Variants in NT5DC1 observed in about 807,000 individuals in gnomAD.
NT5DC1 encodes 5'-nucleotidase domain containing 1.
NT5DC1 carries 42 observed loss-of-function variants against 59.4 expected under a neutral mutation model. The observed-to-expected ratio is 0.71, with a 90% confidence interval of 0.55 to 0.92. The LOEUF is 0.92. Ranked by LOEUF, NT5DC1 falls within the 40% of genes least tolerant of loss-of-function variation. The probability of loss-of-function intolerance (pLI) is 0.00; values close to 1 mark genes in which losing one functional copy is unlikely to be tolerated. For missense variants in NT5DC1, 501 were observed against 537.1 expected (o/e 0.93, Z 0.66); for synonymous variants, 172 against 188.1 (o/e 0.91, Z 0.70).
chr6:116,240,910 G>T (rs1033135383), intron 11 of NT5DC1, among the ~76,000 whole-genome samples: 1 of 152,108 alleles, frequency 6.6e-6, no homozygotes, highest in Non-Finnish European at 1.5e-5. Context: ...TTGGGAGGCC[G>T]AGGTGGGCGG....
At chr6:116,233,861 T>A (rs540830169) in intron 8 of NT5DC1, among the ~76,000 whole-genome samples, 1 of 152,332 alleles carries the variant, frequency 6.6e-6, no homozygotes, top group East Asian at 1.9e-4. Context: ...GAGGTAAGCA[T>A]TGTTATTATC....
chr6:116,115,848 G>A (rs1295544828), intron 5 of NT5DC1, 78 bp downstream of exon 5: 3 of 696,056 alleles, frequency 4.3e-6, no homozygotes, highest in African/African-American at 3.6e-5. Flanking sequence ...TATTGCTTCT[G>A]AGTTGTGATT....
intron 6 of NT5DC1, among the ~76,000 whole-genome samples, chr6:116,203,876 T>C (rs1339858232): frequency 6.6e-6 from 1 of 151,966 alleles, no homozygotes; most frequent in Admixed American, 6.6e-5. Flanking sequence ...CTTGATGTTG[T>C]CAGAAATATT....
chr6:116,115,805 G>A (rs1778953378), intron 5 of NT5DC1, 35 bp downstream of exon 5: 1 of 1,050,420 alleles, frequency 9.5e-7, no homozygotes, highest in Non-Finnish European at 1.5e-6. Context: ...ACTATGATAT[G>A]TAGTCAGTCA....
At position 116,248,946 on chromosome 6, in the gene NT5DC1, G is replaced by C. The variant is rs957593490; in HGVS notation, c.*4922G>C. ...AATCTGTAACAAATAAGTGGCGCCA[G>C]CCTATTACAGTGAATGCTATTGGTT... On this transcript the variant is annotated 3_prime_UTR_variant, in exon 12 of 12. Transcript: ENST00000319550. The C allele has an allele frequency of 1.3e-5, 2 of 152,214 alleles. No homozygotes were observed. Among genetic ancestry groups the C allele is most frequent in the Non-Finnish European group, 2.9e-5 (2 of 68,040 alleles). The allele number at this position is 152,214 out of a possible 1,614,324, so 9.4% of individuals were successfully genotyped here. A position where few individuals can be genotyped will look rare whatever the true frequency, so the allele number is the denominator to read the frequency against.
rs1251890318 is a variant in NT5DC1, at chr6:116,245,771, A to C, written c.*1747A>C. 1 of 150,538 alleles carries C rather than the reference A, an allele frequency of 6.6e-6. No individual in the cohort carries two copies. The highest frequency in any genetic ancestry group is 2.4e-5 in the African/African-American group (1 of 41,278). The allele number at this position is 150,538 out of a possible 1,614,324, so 9.3% of individuals were successfully genotyped here. A position where few individuals can be genotyped will look rare whatever the true frequency, so the allele number is the denominator to read the frequency against. On this transcript the variant is annotated 3_prime_UTR_variant, in exon 12 of 12. Transcript: ENST00000319550. ...TGTTAATATGAAAAATGAGAAGTCC[A>C]AAATAAGAAATAACTGCACTTTTTG...
chr6:116,103,419 A>C (rs968535017), intron 1 of NT5DC1, among the ~76,000 whole-genome samples: 3 of 152,072 alleles, frequency 2.0e-5, no homozygotes, highest in Non-Finnish European at 4.4e-5. Context: ...TAAGCGAGGT[A>C]GTCCGGCTGT....
intron 6 of NT5DC1, among the ~76,000 whole-genome samples, chr6:116,165,013 C>T (rs973035290): frequency 6.9e-6 from 1 of 145,982 alleles, no homozygotes; most frequent in African/African-American, 2.6e-5. Flanking sequence ...AGGAGAATGG[C>T]GTGAACCTGG....
intron 4 of NT5DC1, 72 bp downstream of exon 4, chr6:116,111,028 A>G: frequency 9.9e-7 from 1 of 1,008,990 alleles, no homozygotes; most frequent in Non-Finnish European, 1.5e-6. Context: ...TGATGTCAGG[A>G]CAAAGAAGAC....
At chr6:116,217,470 A>C (rs1781708547) in intron 6 of NT5DC1, among the ~76,000 whole-genome samples, 1 of 152,196 alleles carries the variant, frequency 6.6e-6, no homozygotes, top group South Asian at 2.1e-4. Flanking sequence ...TTTGGAGGTT[A>C]AGTGAAAACA....
chr6:116,201,480 A>G (rs1446384543), intron 6 of NT5DC1, among the ~76,000 whole-genome samples: 1 of 152,022 alleles, frequency 6.6e-6, no homozygotes, highest in East Asian at 1.9e-4. Context: ...AAATTTCCCT[A>G]ATGAGACCAG....
chr6:116,218,469 G>T (rs77183123), intron 6 of NT5DC1, among the ~76,000 whole-genome samples: 6,202 of 152,088 alleles, frequency 0.041, 426 homozygotes, highest in African/African-American at 0.14. Flanking sequence ...TCTCACATCT[G>T]ACTCCCTTAG....
In NT5DC1 at chr6:116,248,091, C is replaced by A. The variant is rs1771883621; in HGVS notation, c.*4067C>A. ...AATAAGCATAACCTTCAACTGAGGC[C>A]TGAATAGTCATGTGTCAGTAGGGTT... On this transcript the variant is annotated 3_prime_UTR_variant, in exon 12 of 12. Transcript: ENST00000319550. 1 of 152,158 alleles carries A rather than the reference C, an allele frequency of 6.6e-6. No homozygotes were observed. Among genetic ancestry groups the A allele is most frequent in the Admixed American group, 6.5e-5 (1 of 15,284 alleles). 9.4% of individuals were successfully genotyped at this position (152,158 alleles called of 1,614,324 possible). A position where few individuals can be genotyped will look rare whatever the true frequency, so the allele number is the denominator to read the frequency against.
rs561223750 is a variant in NT5DC1, at chr6:116,158,248, G to A, written c.529+40303G>A. ...AGTGTAGATCTGGGAGTAGTTTAGTGTGCTACCTCGATGAAGATACATGGC... is the reference window on the plus strand; with the variant it reads ...AGTGTAGATCTGGGAGTAGTTTAGTATGCTACCTCGATGAAGATACATGGC... On this transcript the variant is annotated intron_variant, in intron 6 of 11. Coordinates refer to ENST00000319550, the MANE Select transcript of NT5DC1 (RefSeq NM_152729.3). 2.6e-3 allele frequency among the ~76,000 whole-genome samples: 221 copies of A among 84,378 alleles called. 2 individuals carry two copies. The highest frequency in any genetic ancestry group is 8.5e-4 in the Non-Finnish European group (32 of 37,604). 55.4% of individuals were successfully genotyped at this position (84,378 alleles called of 152,430 possible). A position where few individuals can be genotyped will look rare whatever the true frequency, so the allele number is the denominator to read the frequency against.
At chr6:116,215,510 G>A (rs1003320210) in intron 6 of NT5DC1, among the ~76,000 whole-genome samples, 6 of 152,080 alleles carry the variant, frequency 3.9e-5, no homozygotes, top group Non-Finnish European at 7.4e-5. Flanking sequence ...AGCCTGTCCA[G>A]ATATTATTGT....
intron 6 of NT5DC1, among the ~76,000 whole-genome samples, chr6:116,203,927 T>C (rs1164238997): frequency 2.0e-5 from 3 of 151,952 alleles, no homozygotes; most frequent in Non-Finnish European, 4.4e-5. Context: ...ATAATTTACC[T>C]TTTAGAGAAC....
chr6:116,188,046 G>T (rs537595781), intron 6 of NT5DC1, among the ~76,000 whole-genome samples: 6 of 152,076 alleles, frequency 3.9e-5, no homozygotes, highest in African/African-American at 1.2e-4. Context: ...GTCTTGACAG[G>T]CAGTTTACAA....
At chr6:116,132,154 A>C (rs1779484749) in intron 6 of NT5DC1, among the ~76,000 whole-genome samples, 1 of 152,158 alleles carries the variant, frequency 6.6e-6, no homozygotes, top group South Asian at 2.1e-4. Flanking sequence ...GTGTATATGT[A>C]GCCTGAATGT....
At chr6:116,155,752 TAAAAA>T (rs58270869) in intron 6 of NT5DC1, among the ~76,000 whole-genome samples, 1 of 114,614 alleles carries the variant, frequency 8.7e-6, no homozygotes, top group African/African-American at 3.2e-5. Context: ...TACTTCTCCT[TAAAAA>T]AAAAAAAAAA....
Sources: allele counts gnomAD v4.1 joint callset (sites outside exome capture counted in the v4.1 genomes callset), GRCh38; gene constraint gnomAD v4.1.1; transcripts MANE v1.5; gene names NCBI Gene and HGNC (gene_info 2026-07-23, HGNC 2026-07-21).